HK1: variants seen among roughly 807,000 people sequenced by gnomAD.
HK1 encodes hexokinase 1, also known as hexokinase-1.
HK1 carries 28 observed loss-of-function variants against 91.6 expected under a neutral mutation model. The observed-to-expected ratio is 0.31, with a 90% CI of 0.23 to 0.42. The LOEUF (loss-of-function observed/expected upper bound fraction) is 0.42. Among genes scored for constraint, HK1 ranks in the 10% least tolerant of loss-of-function variants. The pLI is 1.00. For missense variants in HK1, 770 were observed against 1,219.8 expected (o/e 0.63, Z 5.49); for synonymous variants, 430 against 468.1 (o/e 0.92, Z 1.05).
Position 69,382,740 on chromosome 10 carries a change from G to T in HK1, c.1519G>T (p.Ala507Ser), listed in dbSNP as rs1839454633. 1 of 1,613,192 alleles carries T rather than the reference G, an allele frequency of 6.2e-7. No homozygotes were observed. Among genetic ancestry groups the T allele is most frequent in the African/African-American group, 1.3e-5 (1 of 74,920 alleles). The part of the protein sequence containing the change: ...LGLRKQTHNN[A>S]VVKMLPSFVR... ...GCTGAGGAAGCAGACGCACAACAAT[G>T]CCGTGGTTAAGATGCTGCCCTCCTT... Residue 507 changes from alanine (A) to serine (S), a missense_variant, in exon 10 of 18, where the codon GCC becomes TCC. This residue lies in a region of HK1 where 48 missense variants were observed against 128.2 expected (regional missense o/e 0.37). Transcript: ENST00000359426.
Position 69,369,547 on chromosome 10 carries a change from C to T in HK1, c.798C>T (p.Asp266=), listed in dbSNP as rs35378602. The T allele has an allele frequency of 5.5e-5, 89 of 1,614,026 alleles. No individual in the cohort carries two copies. The highest frequency in any genetic ancestry group is 4.6e-5 in the Non-Finnish European group (54 of 1,180,028). The change falls in exon 7 of 18, where the codon GAC becomes GAT. Residue 266 remains aspartate (D), a synonymous_variant. Coordinates refer to ENST00000359426, the MANE Select transcript of HK1 (RefSeq NM_000188.3). The surrounding 1 kb of genome is among the most constrained non-coding windows in gnomAD (Gnocchi z 4.4). ...CINTEWGAFG[D]DGSLEDIRTE... ...ATACAGAATGGGGAGCCTTTGGAGA[C>T]GATGGATCATTAGAAGACATCCGGA...
chr10:69,344,577 AG>A (rs904655864), intron 2 of HK1, among the ~76,000 whole-genome samples: 2 of 152,206 alleles, frequency 1.3e-5, no homozygotes, highest in African/African-American at 4.8e-5. Flanking sequence ...TAGAATTGAA[AG>A]AAAAATTGTA....
chr10:69,317,732 C>A (rs557872652), upstream of HK1, among the ~76,000 whole-genome samples: 4 of 152,332 alleles, frequency 2.6e-5, no homozygotes, highest in South Asian at 8.3e-4. Context: ...GTATAAAGTC[C>A]AGCAAGACTG....
At chr10:69,364,394 C>T (rs11599655) in intron 3 of HK1, among the ~76,000 whole-genome samples, 15,986 of 151,730 alleles carry the variant, frequency 0.11, 1,392 homozygotes, top group African/African-American at 0.23. Context: ...TGGCGTCGGG[C>T]GGGGCGGGAA....
At chr10:69,393,976 T>C (rs867711180) in intron 15 of HK1, among the ~76,000 whole-genome samples, 1 of 152,216 alleles carries the variant, frequency 6.6e-6, no homozygotes. Context: ...GTTAAGGACA[T>C]GTCAGCACCA....
chr10:69,325,094 C>T (rs1215171918), intron 1 of HK1, among the ~76,000 whole-genome samples: 1 of 145,718 alleles, frequency 6.9e-6, no homozygotes, highest in Non-Finnish European at 1.5e-5. Flanking sequence ...CTCTGTTGCC[C>T]AGGCTGGAGT....
At chr10:69,275,782 T>A (rs1454486404) in intron 1 of HK1, among the ~76,000 whole-genome samples, 2 of 152,094 alleles carry the variant, frequency 1.3e-5, no homozygotes, top group Non-Finnish European at 2.9e-5. Flanking sequence ...GTGCTTTTCA[T>A]GTGCACTTAA....
Position 69,399,808 on chromosome 10 carries a change from C to T in HK1, c.2609+980C>T, listed in dbSNP as rs188481952. 1.1e-3 allele frequency among the ~76,000 whole-genome samples: 160 copies of T among 152,246 alleles called. 1 individual carries two copies. Among genetic ancestry groups the T allele is most frequent in the Non-Finnish European group, 6.3e-4 (43 of 67,980 alleles). ...CAGTCAAGAGTGCTAATAATTATTACTCTGGGACTGTAGGCAAACTAGGAC... is the reference window on the plus strand; with the variant it reads ...CAGTCAAGAGTGCTAATAATTATTATTCTGGGACTGTAGGCAAACTAGGAC... On this transcript the variant is annotated intron_variant, in intron 17 of 17. Coordinates refer to ENST00000359426, the MANE Select transcript of HK1 (RefSeq NM_000188.3).
At chr10:69,334,197 C>G (rs746405525) in intron 1 of HK1, among the ~76,000 whole-genome samples, 1 of 152,186 alleles carries the variant, frequency 6.6e-6, no homozygotes, top group Non-Finnish European at 1.5e-5. Context: ...ACAGTTTACA[C>G]ATGCTGAGAG....
In HK1 at chr10:69,384,683, T is replaced by C. The variant is rs547302895; in HGVS notation, c.1720-113T>C. The C allele has an allele frequency of 1.6e-5, 23 of 1,474,532 alleles. No homozygotes were observed. In the African/African-American group the frequency reaches 2.2e-4, roughly 14 times the overall value. The allele number at this position is 1,474,532 out of a possible 1,614,324, so 91.3% of individuals were successfully genotyped here. The stretch of plus-strand genomic sequence containing the variant: ...TCTGGAAAAGGAGGCTCACTCTGCA[T>C]GTGTGTGGGGTGTGTTTTCCTACGT... On this transcript the variant is annotated intron_variant, in intron 11 of 17. Coordinates refer to ENST00000359426, the MANE Select transcript of HK1 (RefSeq NM_000188.3).
At chr10:69,319,140 G>A (rs1424934364) in intron 1 of HK1, 130 bp downstream of exon 1, 1 of 1,111,884 alleles carries the variant, frequency 9.0e-7, no homozygotes, top group Non-Finnish European at 1.3e-6. Flanking sequence ...GGACTGCAGG[G>A]CGCAAGGAAA....
chr10:69,385,730 A>G (rs1867971), intron 12 of HK1, among the ~76,000 whole-genome samples: 35,510 of 152,128 alleles, frequency 0.23, 4,634 homozygotes, highest in East Asian at 0.46. Flanking sequence ...ATCCAGTTAC[A>G]TCGCTGACTT....
chr10:69,338,793 A>G (rs1848148268), intron 1 of HK1: 25 of 888,740 alleles, frequency 2.8e-5, no homozygotes, highest in Non-Finnish European at 3.3e-5. Flanking sequence ...GTGTGTAGAG[A>G]GAGAGGGAAG....
intron 7 of HK1, among the ~76,000 whole-genome samples, chr10:69,373,470 C>T (rs1342141664): frequency 2.0e-5 from 3 of 152,130 alleles, no homozygotes; most frequent in Non-Finnish European, 4.4e-5. Flanking sequence ...TTTTGGTTTC[C>T]TTGTCTCGCC....
At position 69,276,118 on chromosome 10, in the gene HK1, A is replaced by AAAAAATATATATATATATATAT; in HGVS notation, c.-391+6011_-391+6012insAAAATATATATATATATATATA. ...AAAAAAAAAAAAAAAAAAAAAAAAAAATACATATATATATATATATACACA... is the reference window on the plus strand; with the variant it reads ...AAAAAAAAAAAAAAAAAAAAAAAAAAAAAAATATATATATATATATATATACATATATATATATATATACACA... On this transcript the variant is annotated intron_variant, in intron 1 of 21. Transcript: ENST00000360289. Among the ~76,000 whole-genome samples, 15 of 38,272 alleles carry AAAAAATATATATATATATATAT rather than the reference A, an allele frequency of 3.9e-4. 2 individuals are homozygous for AAAAAATATATATATATATATAT. Among genetic ancestry groups the AAAAAATATATATATATATATAT allele is most frequent in the Non-Finnish European group, 6.6e-4 (13 of 19,638 alleles). 25.1% of individuals were successfully genotyped at this position (38,272 alleles called of 152,430 possible).
intron 1 of HK1, among the ~76,000 whole-genome samples, chr10:69,279,341 C>T (rs1844624862): frequency 6.6e-6 from 1 of 152,202 alleles, no homozygotes; most frequent in South Asian, 2.1e-4. Context: ...CTCTTTTGTA[C>T]TCTGTCACAT....
At chr10:69,299,235 C>T (rs530829674) in intron 4 of HK1, among the ~76,000 whole-genome samples, 5 of 150,890 alleles carry the variant, frequency 3.3e-5, no homozygotes, top group Non-Finnish European at 7.4e-5. Flanking sequence ...TGCAGTGGTG[C>T]GATCTTGGCT....
chr10:69,388,439 T>G (rs1010300588), intron 13 of HK1, among the ~76,000 whole-genome samples: 4 of 71,216 alleles, frequency 5.6e-5, no homozygotes, highest in Admixed American at 3.7e-4. Context: ...AGAGCAAGAC[T>G]CTGTCTCTTA....
rs1016022985 is a variant in HK1 at position 69,384,565 on chromosome 10, G to A, written c.1719+84G>A. ...TCACGTGATGACCAAAATCCGCCAC[G>A]GGGTGCCCACATGGATTTGTGTCCT... On this transcript the variant is annotated intron_variant, in intron 11 of 17. Transcript: ENST00000359426. 3.3e-5 allele frequency: 52 copies of A among 1,566,252 alleles called. No homozygotes were observed. In the African/African-American group the frequency reaches 5.7e-4, roughly 17 times the overall value.
Sources: allele counts gnomAD v4.1 joint callset (sites outside exome capture counted in the v4.1 genomes callset), GRCh38; gene constraint gnomAD v4.1.1; regional missense constraint gnomAD v4.1.1; non-coding constraint Gnocchi (gnomAD v3.1); transcripts MANE v1.5; gene names NCBI Gene and HGNC (gene_info 2026-07-23, HGNC 2026-07-21).